Variants in MAST4 observed in about 807,000 individuals in gnomAD.
MAST4 encodes the protein microtubule-associated serine/threonine-protein kinase 4.
In MAST4, 89 loss-of-function variants were observed where a neutral mutation model predicts 162.7. That is an observed-to-expected ratio of 0.55 (90% confidence interval 0.46 to 0.65). MAST4 has a LOEUF of 0.65. Ranked by LOEUF, MAST4 falls within the 30% of genes least tolerant of loss-of-function variation. The pLI, the probability that MAST4 is intolerant of heterozygous loss-of-function variation, is 0.00. For missense variants in MAST4, 3,153 were observed against 3,374.0 expected (o/e 0.93, Z 1.62); for synonymous variants, 1,479 against 1,361.1 (o/e 1.09, Z -1.91).
intron 4 of MAST4, among the ~76,000 whole-genome samples, chr5:66,901,142 CAAAAG>C: frequency 6.6e-6 from 1 of 152,052 alleles, no homozygotes; most frequent in South Asian, 2.1e-4. Context: ...CATGATGAGA[CAAAAG>C]AAAAATAGAA....
Position 67,164,861 on chromosome 5 carries a change from A to T in MAST4, c.5682A>T (p.Pro1894=), listed in dbSNP as rs778218762. ...QNSPAVSLPD[P]EFKRDRKGPH... ...CACCAGCAGTTTCCCTGCCTGACCC[A>T]GAGTTCAAGAGGGACAGGAAAGGTC... Residue 1894 remains proline, a synonymous_variant, in exon 29 of 29, where the codon CCA becomes CCT. Coordinates refer to ENST00000403625, the MANE Select transcript of MAST4 (RefSeq NM_001164664.2). The surrounding 1 kb of genome is among the most constrained non-coding windows in gnomAD (Gnocchi z 5.3). 1 of 1,614,012 alleles carries T rather than the reference A, an allele frequency of 6.2e-7. No individual in the cohort carries two copies. The highest frequency in any genetic ancestry group is 2.2e-5 in the East Asian group (1 of 44,880).
intron 3 of MAST4, chr5:66,870,830 T>G (rs1432873678): frequency 2.1e-6 from 1 of 471,548 alleles, no homozygotes; most frequent in South Asian, 1.5e-5. Flanking sequence ...CGCCAGAGAC[T>G]AGTGGACCCA....
intron 4 of MAST4, among the ~76,000 whole-genome samples, chr5:66,931,168 G>A (rs544624445): frequency 1.3e-5 from 2 of 152,092 alleles, no homozygotes; most frequent in African/African-American, 4.8e-5. Flanking sequence ...TACTGCTTGG[G>A]GAACTGAGAA....
At chr5:66,697,127 A>G (rs372068560) in intron 1 of MAST4, among the ~76,000 whole-genome samples, 1 of 152,188 alleles carries the variant, frequency 6.6e-6, no homozygotes, top group East Asian at 1.9e-4. Context: ...TCAACTTCTC[A>G]CTTCAAGGAA....
In MAST4 at chr5:67,142,299, C is replaced by G. The variant is rs1232371046; in HGVS notation, c.2617+62C>G. On this transcript the variant is annotated intron_variant, in intron 20 of 28. Coordinates refer to ENST00000403625, the MANE Select transcript of MAST4 (RefSeq NM_001164664.2). ...TTTACTCGATAAATAATTATCTTTG[C>G]TTTTGAACCTTTTCATATCTCTGAG... 6 of 1,579,848 alleles carry G rather than the reference C, an allele frequency of 3.8e-6. No individual in the cohort carries two copies. The Admixed American group carries it at 1.0e-4, about 27-fold the overall frequency.
At chr5:66,947,216 G>A (rs768466091) in intron 4 of MAST4, among the ~76,000 whole-genome samples, 25 of 152,052 alleles carry the variant, frequency 1.6e-4, no homozygotes, top group Non-Finnish European at 3.1e-4. Context: ...AAGTAGGACC[G>A]TGGAAAATGA....
At chr5:66,837,618 A>G (rs182723247) in intron 3 of MAST4, among the ~76,000 whole-genome samples, 48 of 151,952 alleles carry the variant, frequency 3.2e-4, no homozygotes, top group Admixed American at 1.8e-3. Flanking sequence ...TGGCTGCCCT[A>G]TTGAACCACC....
intron 3 of MAST4, among the ~76,000 whole-genome samples, chr5:66,843,399 C>T (rs1230484308): frequency 6.6e-6 from 1 of 152,190 alleles, no homozygotes; most frequent in Non-Finnish European, 1.5e-5. Context: ...GTTAGCCTTC[C>T]TGAACAGTTA....
intron 3 of MAST4, among the ~76,000 whole-genome samples, chr5:66,889,160 GA>G (rs1373652834): frequency 3.9e-5 from 6 of 152,240 alleles, no homozygotes; most frequent in Admixed American, 3.9e-4. Context: ...TCAATACTTC[GA>G]ATTTACTGTA....
At chr5:67,016,275 T>A (rs1567316) in intron 4 of MAST4, among the ~76,000 whole-genome samples, 1 of 152,024 alleles carries the variant, frequency 6.6e-6, no homozygotes, top group Non-Finnish European at 1.5e-5. Flanking sequence ...GAGAAATTAC[T>A]TAACTGTCCC....
intron 3 of MAST4, among the ~76,000 whole-genome samples, chr5:66,806,385 G>A (rs559422441): frequency 1.7e-4 from 26 of 152,290 alleles, no homozygotes; most frequent in African/African-American, 6.0e-4. Flanking sequence ...CACTAAAGTC[G>A]GAAGCTTCTA....
chr5:67,131,750 T>C (rs1179490181), intron 15 of MAST4, 63 bp from the exon 16 acceptor site: 6 of 1,562,430 alleles, frequency 3.8e-6, no homozygotes, highest in South Asian at 1.2e-5. Context: ...TTCTGCAGTC[T>C]AAACTGATTT....
chr5:67,054,704 A>G (rs1312178133), intron 5 of MAST4, among the ~76,000 whole-genome samples: 1 of 152,082 alleles, frequency 6.6e-6, no homozygotes, highest in Non-Finnish European at 1.5e-5. Context: ...TCCTTTTTAT[A>G]TGGGGTCTCT....
intron 1 of MAST4, among the ~76,000 whole-genome samples, chr5:66,721,055 T>G (rs1380431141): frequency 6.6e-6 from 1 of 152,170 alleles, no homozygotes; most frequent in Admixed American, 6.5e-5. Flanking sequence ...TCCTCTCACC[T>G]AGTCAAAAGA....
chr5:66,654,443 CAA>C (rs1746423743), intron 1 of MAST4, among the ~76,000 whole-genome samples: 1 of 152,066 alleles, frequency 6.6e-6, no homozygotes, highest in South Asian at 2.1e-4. Context: ...ATGGAGTGGT[CAA>C]AGAGACTGGG....
intron 4 of MAST4, among the ~76,000 whole-genome samples, chr5:66,945,503 C>T (rs552522556): frequency 6.6e-6 from 1 of 152,180 alleles, no homozygotes; most frequent in South Asian, 2.1e-4. Context: ...AATCCCTGTG[C>T]CCCATGAAGG....
intron 2 of MAST4, among the ~76,000 whole-genome samples, chr5:66,775,658 ATGGTT>A (rs1348651632): frequency 6.3e-4 from 57 of 90,892 alleles, no homozygotes; most frequent in Middle Eastern, 6.1e-3. Flanking sequence ...GTTCTTAAAA[ATGGTT>A]CTTCAAAAGA....
rs756578312 is a variant in MAST4, at chr5:67,160,471, T to G, written c.3664T>G (p.Ser1222Ala). 1 of 1,611,332 alleles carries G rather than the reference T, an allele frequency of 6.2e-7. No homozygotes were observed. The highest frequency in any genetic ancestry group is 8.5e-7 in the Non-Finnish European group (1 of 1,178,834). The change falls in exon 27 of 29, where the codon TCA (serine) becomes GCA (alanine). Residue 1222 changes from serine (S) to alanine (A), a missense_variant. Physicochemically the swap from Ser to Ala is moderately conservative, Grantham distance 99. Transcript: ENST00000403625. Reference protein sequence around the residue: ...ELLLKSGNKVSITTTPFENTS... With the variant: ...ELLLKSGNKVAITTTPFENTS... ...TTTTCTTTAGAGTGGGAATAAGGTG[T>G]CAATCACTACTACCCCATTTGAAAA...
At chr5:66,693,231 G>C (rs1214012180) in intron 1 of MAST4, among the ~76,000 whole-genome samples, 1 of 152,070 alleles carries the variant, frequency 6.6e-6, no homozygotes, top group African/African-American at 2.4e-5. Flanking sequence ...GATCAGTGTT[G>C]TAATCACATG....
Sources: allele counts gnomAD v4.1 joint callset (sites outside exome capture counted in the v4.1 genomes callset), GRCh38; gene constraint gnomAD v4.1.1; non-coding constraint Gnocchi (gnomAD v3.1); transcripts MANE v1.5; gene names NCBI Gene and HGNC (gene_info 2026-07-23, HGNC 2026-07-21).